DYRK1A: variants seen among roughly 807,000 people sequenced by gnomAD.
DYRK1A encodes the protein dual specificity tyrosine phosphorylation regulated kinase 1A, also known as dual specificity tyrosine-phosphorylation-regulated kinase 1A.
Under a neutral mutation model 79.7 loss-of-function variants are expected in DYRK1A, and 9 were observed. The observed-to-expected ratio is 0.11, with a 90% CI of 0.07 to 0.20. DYRK1A has a LOEUF of 0.20. DYRK1A is among the 10% of genes least tolerant of loss of function. DYRK1A has a pLI of 1.00. For synonymous variants in DYRK1A, 349 were observed against 329.7 expected, an observed-to-expected ratio of 1.06 and a Z score of -0.63; for missense variants, 622 against 956.0, an observed-to-expected ratio of 0.65 and a Z score of 4.61.
chr21:37,398,119 T>C (rs2049990061), intron 1 of DYRK1A, among the ~76,000 whole-genome samples: 1 of 148,030 alleles, frequency 6.8e-6, no homozygotes, highest in Non-Finnish European at 1.5e-5. Context: ...GTATATTTTA[T>C]ATTTATATAT....
intron 2 of DYRK1A, among the ~76,000 whole-genome samples, chr21:37,457,590 G>T (rs1272673171): frequency 6.6e-6 from 1 of 152,030 alleles, no homozygotes; most frequent in Admixed American, 6.6e-5. Context: ...TTGCCTTTTG[G>T]GTATTTTTAA....
chr21:37,464,574 TTTG>T (rs1601174421), intron 2 of DYRK1A, among the ~76,000 whole-genome samples: 1 of 152,362 alleles, frequency 6.6e-6, no homozygotes, highest in East Asian at 1.9e-4. Context: ...CTTTGAATTA[TTTG>T]TTAAGTTCAT....
chr21:37,417,553 T>C (rs1434528936), intron 1 of DYRK1A, among the ~76,000 whole-genome samples: 1 of 96,492 alleles, frequency 1.0e-5, no homozygotes. Context: ...TTTTTTTTTT[T>C]TACAAATCTT....
At chr21:37,386,214 A>G (rs868168411) in intron 1 of DYRK1A, among the ~76,000 whole-genome samples, 2 of 152,170 alleles carry the variant, frequency 1.3e-5, no homozygotes, top group Non-Finnish European at 2.9e-5. Context: ...TTATTTCACT[A>G]TATATTAATA....
At chr21:37,397,256 A>G (rs1428600558) in intron 1 of DYRK1A, among the ~76,000 whole-genome samples, 4 of 152,188 alleles carry the variant, frequency 2.6e-5, no homozygotes, top group African/African-American at 9.7e-5. Flanking sequence ...CACAACTAGT[A>G]TATATGAAGC....
At position 37,465,445 on chromosome 21, in the gene DYRK1A, T is replaced by G. The variant is rs199843648; in HGVS notation, c.11-7239T>G. 4.6e-5 allele frequency among the ~76,000 whole-genome samples: 7 copies of G among 152,348 alleles called. No individual in the cohort carries two copies. In the East Asian group the frequency reaches 1.3e-3, roughly 29 times the overall value. On this transcript the variant is annotated intron_variant, in intron 2 of 11. Transcript: ENST00000647188. ...AGATAGACTATAACTTATTTTTGGATTATCCACTACTTGAATTAGTTGGAG... is the reference window on the plus strand; with the variant it reads ...AGATAGACTATAACTTATTTTTGGAGTATCCACTACTTGAATTAGTTGGAG...
At chr21:37,450,896 T>G (rs1242570328) in intron 2 of DYRK1A, among the ~76,000 whole-genome samples, 1 of 144,378 alleles carries the variant, frequency 6.9e-6, no homozygotes, top group African/African-American at 2.7e-5. Flanking sequence ...CAGAATACAG[T>G]CATGCACCAA....
intron 1 of DYRK1A, among the ~76,000 whole-genome samples, chr21:37,411,349 C>CT (rs2050241012): frequency 6.6e-6 from 1 of 151,846 alleles, no homozygotes; most frequent in Admixed American, 6.6e-5. Context: ...TAGTGAGACT[C>CT]TGTCTCCCCC....
chr21:37,467,614 A>T (rs1353411818), intron 2 of DYRK1A, among the ~76,000 whole-genome samples: 3 of 152,230 alleles, frequency 2.0e-5, no homozygotes, highest in African/African-American at 7.2e-5. Flanking sequence ...ATCTCATTTC[A>T]GTAGATACAG....
At chr21:37,373,351 A>G (rs2049471176) in intron 1 of DYRK1A, among the ~76,000 whole-genome samples, 1 of 152,214 alleles carries the variant, frequency 6.6e-6, no homozygotes, top group African/African-American at 2.4e-5. Flanking sequence ...TTGTGACTTA[A>G]GAGTATAGAA....
chr21:37,473,896 G>GA (rs2052312136), intron 3 of DYRK1A, among the ~76,000 whole-genome samples: 1 of 152,304 alleles, frequency 6.6e-6, no homozygotes, highest in Non-Finnish European at 1.5e-5. Context: ...CAGTTGTTCA[G>GA]AATGTCCAAG....
At chr21:37,484,779 C>G (rs977125221) in intron 5 of DYRK1A, among the ~76,000 whole-genome samples, 7 of 152,158 alleles carry the variant, frequency 4.6e-5, no homozygotes, top group Non-Finnish European at 1.0e-4. Context: ...TTCTCATACT[C>G]AGATTCCACA....
At position 37,514,626 on chromosome 21, in the gene DYRK1A, T is replaced by C. The variant is rs1260854069; in HGVS notation, c.*2095T>C. The C allele has an allele frequency of 1.3e-5, 2 of 152,682 alleles. No homozygotes were observed. Among genetic ancestry groups the C allele is most frequent in the Non-Finnish European group, 2.9e-5 (2 of 68,046 alleles). 9.5% of individuals were successfully genotyped at this position (152,682 alleles called of 1,614,324 possible). A position where few individuals can be genotyped will look rare whatever the true frequency, so the allele number is the denominator to read the frequency against. On this transcript the variant is annotated 3_prime_UTR_variant, in exon 12 of 12. Coordinates refer to ENST00000647188, the MANE Select transcript of DYRK1A (RefSeq NM_001347721.2). ...GGAAACTTGGAAATACTCGTTTTTA[T>C]AAACTACAAAAACTTTTTGTTGTTT...
chr21:37,524,809 A>G lies in DYRK1A; in HGVS notation c.*12278A>G, dbSNP rs983731001. 2.0e-5 allele frequency: 3 copies of G among 152,254 alleles called. No homozygotes were observed. The highest frequency in any genetic ancestry group is 4.4e-5 in the Non-Finnish European group (3 of 68,054). 9.4% of individuals were successfully genotyped at this position (152,254 alleles called of 1,614,324 possible). On this transcript the variant is annotated 3_prime_UTR_variant, in exon 12 of 12. Transcript: ENST00000647188. ...ACTGGCAAAAGTATTTTCAAAGCTG[A>G]GAAAACTGGTCAGGTGTGGCGGCTC...
Position 37,508,457 on chromosome 21 carries a change from T to C in DYRK1A, c.1644+2234T>C, listed in dbSNP as rs941545027. On this transcript the variant is annotated intron_variant, in intron 11 of 11. Coordinates refer to ENST00000647188, the MANE Select transcript of DYRK1A (RefSeq NM_001347721.2). Reference sequence around the variant, plus strand: ...CGCACATCACCATGCTGGCTAATTTTTGTATTTGTAGTAGAGACGGGGTTT... The same window carrying C: ...CGCACATCACCATGCTGGCTAATTTCTGTATTTGTAGTAGAGACGGGGTTT... Among the ~76,000 whole-genome samples, 6 of 152,186 alleles carry C rather than the reference T, an allele frequency of 3.9e-5. No individual in the cohort carries two copies. The East Asian group carries it at 1.2e-3, about 29-fold the overall frequency.
chr21:37,491,178 A>T (rs745343781), intron 7 of DYRK1A, among the ~76,000 whole-genome samples: 5 of 152,130 alleles, frequency 3.3e-5, no homozygotes, highest in Non-Finnish European at 5.9e-5. Flanking sequence ...CTAAAAACAG[A>T]TGTGTTCGTA....
chr21:37,474,783 A>G (rs1053938193), intron 3 of DYRK1A, among the ~76,000 whole-genome samples: 9 of 152,238 alleles, frequency 5.9e-5, no homozygotes, highest in Non-Finnish European at 1.3e-4. Context: ...AAGTAGGTGT[A>G]GAAGAGGAAG....
At position 37,520,307 on chromosome 21, in the gene DYRK1A, G is replaced by A. The variant is rs2835779; in HGVS notation, c.*7776G>A. On this transcript the variant is annotated 3_prime_UTR_variant, in exon 12 of 12. Transcript: ENST00000647188. ...TAGATAGGAAGAGATGAGGGTGACA[G>A]AAATCAGCTCTTAAGTTTATAAATA... is the stretch of plus-strand genomic sequence containing the variant. The A allele has an allele frequency of 0.24, 36,017 of 152,092 alleles. 4,755 individuals carry two copies. The highest frequency in any genetic ancestry group is 0.35 in the African/African-American group (14,570 of 41,426). 9.4% of individuals were successfully genotyped at this position (152,092 alleles called of 1,614,324 possible). A position where few individuals can be genotyped will look rare whatever the true frequency, so the allele number is the denominator to read the frequency against.
chr21:37,511,294 T>C (rs1033999584), intron 11 of DYRK1A, among the ~76,000 whole-genome samples: 4 of 152,098 alleles, frequency 2.6e-5, no homozygotes, highest in African/African-American at 9.7e-5. Context: ...AGGGAAGTGA[T>C]TGGATTTGTG....
Sources: allele counts gnomAD v4.1 joint callset (sites outside exome capture counted in the v4.1 genomes callset), GRCh38; gene constraint gnomAD v4.1.1; transcripts MANE v1.5; gene names NCBI Gene and HGNC (gene_info 2026-07-23, HGNC 2026-07-21).